Variants in SCD5 observed in about 807,000 individuals in gnomAD.
SCD5 encodes the protein acyl-CoA-desaturase 4.
Under a neutral mutation model 30.4 loss-of-function variants are expected in SCD5, and 20 were observed. The observed-to-expected ratio is 0.66, with a 90% CI of 0.46 to 0.96. The LOEUF is 0.96. SCD5 is among the 40% of genes least tolerant of loss of function. The pLI is 0.00. For missense variants in SCD5, 381 were observed against 443.3 expected (o/e 0.86, Z 1.26); for synonymous variants, 173 against 176.4 (o/e 0.98, Z 0.16).
chr4:82,692,686 G>A (rs137872430), intron 2 of SCD5, among the ~76,000 whole-genome samples: 8 of 152,244 alleles, frequency 5.3e-5, no homozygotes, highest in East Asian at 1.9e-4. Flanking sequence ...CTGGGTCTCC[G>A]GTGATTTTAA....
intron 1 of SCD5, among the ~76,000 whole-genome samples, chr4:82,750,096 T>G (rs1721069046): frequency 6.6e-6 from 1 of 152,198 alleles, no homozygotes; most frequent in African/African-American, 2.4e-5. Context: ...GTAGTGGGGA[T>G]TACACAAAAT....
intron 1 of SCD5, chr4:82,753,403 T>G (rs749528092): frequency 3.8e-6 from 2 of 532,622 alleles, no homozygotes; most frequent in South Asian, 2.8e-5. Flanking sequence ...CCCAAGGTCA[T>G]GACATAAGCC....
intron 3 of SCD5, among the ~76,000 whole-genome samples, chr4:82,679,031 C>T (rs1230535585): frequency 6.6e-6 from 1 of 151,460 alleles, no homozygotes; most frequent in Non-Finnish European, 1.5e-5. Flanking sequence ...AACCCTGTCT[C>T]TACTAAAAAA....
intron 1 of SCD5, among the ~76,000 whole-genome samples, chr4:82,721,552 G>A (rs1046297399): frequency 6.6e-6 from 1 of 152,208 alleles, no homozygotes; most frequent in South Asian, 2.1e-4. Context: ...GCAGGCAAGG[G>A]TTGACTAGTC....
chr4:82,730,071 G>C (rs6849107), intron 1 of SCD5, among the ~76,000 whole-genome samples: 7 of 151,846 alleles, frequency 4.6e-5, no homozygotes, highest in Non-Finnish European at 1.0e-4. Flanking sequence ...GCCCCCATGT[G>C]TATTTGTGAT....
intron 3 of SCD5, among the ~76,000 whole-genome samples, chr4:82,667,614 T>C (rs1728219832): frequency 1.3e-5 from 2 of 152,240 alleles, no homozygotes; most frequent in Admixed American, 1.3e-4. Context: ...ACCTTTTCCA[T>C]TTACTTTTAA....
chr4:82,731,145 C>T (rs1214605164), intron 1 of SCD5, among the ~76,000 whole-genome samples: 3 of 152,094 alleles, frequency 2.0e-5, no homozygotes, highest in Admixed American at 1.3e-4. Flanking sequence ...TTCTTGAGAA[C>T]GGAAAGCTGG....
chr4:82,647,534 T>C (rs1727657152), intron 3 of SCD5, among the ~76,000 whole-genome samples: 1 of 152,206 alleles, frequency 6.6e-6, no homozygotes, highest in Non-Finnish European at 1.5e-5. Flanking sequence ...AGCTTCTTCA[T>C]TTCTCCTGTA....
intron 1 of SCD5, among the ~76,000 whole-genome samples, chr4:82,746,945 G>C (rs1186093577): frequency 1.2e-5 from 1 of 84,820 alleles, no homozygotes; most frequent in Non-Finnish European, 3.4e-5. Context: ...AGTGGACGCA[G>C]ACACAAGGGC....
intron 3 of SCD5, 35 bp from the exon 4 acceptor site, chr4:82,636,858 C>T (rs565870887): frequency 1.7e-5 from 26 of 1,528,350 alleles, no homozygotes; most frequent in African/African-American, 2.7e-5. Context: ...CATGAGGACC[C>T]GCTGATGGGA....
chr4:82,738,475 T>G (rs11733801), intron 1 of SCD5, among the ~76,000 whole-genome samples: 65,897 of 152,120 alleles, frequency 0.43, 17,255 homozygotes, highest in South Asian at 0.59. Context: ...TTTTTTTGCC[T>G]ATAAGAAAGA....
intron 1 of SCD5, 79 bp from the exon 2 acceptor site, chr4:82,705,492 C>A (rs1233338123): frequency 1.3e-6 from 2 of 1,557,190 alleles, no homozygotes; most frequent in African/African-American, 1.4e-5. Flanking sequence ...CTCTCCTGAA[C>A]AGGGACACAC....
At chr4:82,656,444 T>A (rs914406023) in intron 3 of SCD5, among the ~76,000 whole-genome samples, 3 of 152,236 alleles carry the variant, frequency 2.0e-5, no homozygotes, top group Admixed American at 6.5e-5. Context: ...CATCTTTTTT[T>A]ATGGCTGCAT....
At chr4:82,757,492 C>T (rs946589278) in intron 1 of SCD5, among the ~76,000 whole-genome samples, 5 of 152,162 alleles carry the variant, frequency 3.3e-5, no homozygotes, top group African/African-American at 1.2e-4. Context: ...TCTTTCTATT[C>T]GCATTTTACA....
intron 1 of SCD5, among the ~76,000 whole-genome samples, chr4:82,707,098 C>G (rs192134297): frequency 6.6e-6 from 1 of 152,298 alleles, no homozygotes; most frequent in Admixed American, 6.5e-5. Flanking sequence ...CATATTCAAA[C>G]AAGTGTTCAG....
chr4:82,792,529 G>A (rs1722119514), intron 1 of SCD5, among the ~76,000 whole-genome samples: 1 of 152,132 alleles, frequency 6.6e-6, no homozygotes, highest in Non-Finnish European at 1.5e-5. Flanking sequence ...TGGCAACATA[G>A]TGAGACCCCC....
At chr4:82,650,802 A>T (rs1471529732) in intron 3 of SCD5, among the ~76,000 whole-genome samples, 1 of 151,082 alleles carries the variant, frequency 6.6e-6, no homozygotes, top group Non-Finnish European at 1.5e-5. Context: ...TTATTAATTG[A>T]TTAAATATCA....
chr4:82,719,449 A>G (rs1720308963), intron 1 of SCD5, among the ~76,000 whole-genome samples: 1 of 151,758 alleles, frequency 6.6e-6, no homozygotes, highest in Non-Finnish European at 1.5e-5. Context: ...GTACATAATC[A>G]TGAGTCTAGC....
chr4:82,756,344 C>T (rs992189518), intron 1 of SCD5, among the ~76,000 whole-genome samples: 2 of 152,172 alleles, frequency 1.3e-5, no homozygotes, highest in African/African-American at 4.8e-5. Flanking sequence ...TTAAACTACA[C>T]GGCTGTGAGT....
Sources: allele counts gnomAD v4.1 joint callset (sites outside exome capture counted in the v4.1 genomes callset), GRCh38; gene constraint gnomAD v4.1.1; transcripts MANE v1.5; gene names NCBI Gene and HGNC (gene_info 2026-07-23, HGNC 2026-07-21).